NLGN1: variants seen among roughly 807,000 people sequenced by gnomAD.
NLGN1 encodes neuroligin 1.
In NLGN1, 12 loss-of-function variants were observed where a neutral mutation model predicts 65.5. That is an observed-to-expected ratio of 0.18 (90% CI 0.12 to 0.30). The LOEUF is 0.30. NLGN1 is among the 10% of genes least tolerant of loss of function. NLGN1 has a pLI of 1.00. For missense variants in NLGN1, 750 were observed against 1,007.1 expected, an observed-to-expected ratio of 0.74 and a Z score of 3.46; for synonymous variants, 350 against 359.5, an observed-to-expected ratio of 0.97 and a Z score of 0.30.
chr3:174,205,904 T>G (rs17184062), intron 4 of NLGN1, among the ~76,000 whole-genome samples: 1 of 152,058 alleles, frequency 6.6e-6, no homozygotes, highest in Non-Finnish European at 1.5e-5. Context: ...AATAACTACA[T>G]GTAAAGTGCT....
At chr3:173,854,948 T>C (rs1414121526) in intron 4 of NLGN1, among the ~76,000 whole-genome samples, 1 of 152,142 alleles carries the variant, frequency 6.6e-6, no homozygotes, top group Non-Finnish European at 1.5e-5. Context: ...CAAAAACTAG[T>C]AAATGTTTTG....
chr3:174,214,051 G>GACTT (rs1183038207), intron 4 of NLGN1, among the ~76,000 whole-genome samples: 1 of 151,950 alleles, frequency 6.6e-6, no homozygotes, highest in African/African-American at 2.4e-5. Context: ...AAAGAATTTT[G>GACTT]ACTTACCGTA....
intron 4 of NLGN1, among the ~76,000 whole-genome samples, chr3:174,053,881 C>T (rs1735464459): frequency 6.6e-6 from 1 of 151,842 alleles, no homozygotes; most frequent in South Asian, 2.1e-4. Flanking sequence ...TGAATATATT[C>T]CCTATATTGA....
chr3:173,476,394 C>T (rs995675242), intron 2 of NLGN1, among the ~76,000 whole-genome samples: 3 of 152,144 alleles, frequency 2.0e-5, no homozygotes, highest in African/African-American at 7.2e-5. Context: ...GGCAAGATAA[C>T]TACATACATA....
chr3:174,082,965 G>A (rs1220052726), intron 4 of NLGN1, among the ~76,000 whole-genome samples: 1 of 152,142 alleles, frequency 6.6e-6, no homozygotes, highest in Non-Finnish European at 1.5e-5. Flanking sequence ...GACCTCAGGT[G>A]ATCCGCCCAT....
chr3:174,051,967 A>G (rs1201879329), intron 4 of NLGN1, among the ~76,000 whole-genome samples: 1 of 146,102 alleles, frequency 6.8e-6, no homozygotes. Context: ...TCTTTCTAGT[A>G]CCAATAAAGA....
At chr3:174,065,856 T>A (rs369654284) in intron 4 of NLGN1, among the ~76,000 whole-genome samples, 6 of 152,210 alleles carry the variant, frequency 3.9e-5, no homozygotes, top group African/African-American at 1.4e-4. Context: ...CTAAAGGCAG[T>A]CTCTGACCAA....
At position 173,837,945 on chromosome 3, in the gene NLGN1, G is replaced by A. The variant is rs1487026565; in HGVS notation, c.646+30113G>A. On this transcript the variant is annotated intron_variant, in intron 4 of 6. Transcript: ENST00000457714. ...AATTTTTTTGTAGCTTCAAAAATTG[G>A]TATATAAACTTGTATGTTTGAAGTT... Among the ~76,000 whole-genome samples the A allele has an allele frequency of 2.0e-5, 3 of 152,226 alleles. No homozygotes were observed. The East Asian group carries it at 5.8e-4, about 29-fold the overall frequency.
chr3:173,987,682 G>A (rs1377395209), intron 4 of NLGN1, among the ~76,000 whole-genome samples: 2 of 152,012 alleles, frequency 1.3e-5, no homozygotes, highest in African/African-American at 2.4e-5. Flanking sequence ...AAAGTCACTC[G>A]GTACCCTTCT....
chr3:174,158,013 G>A (rs558391161), intron 4 of NLGN1, among the ~76,000 whole-genome samples: 1 of 151,842 alleles, frequency 6.6e-6, no homozygotes, highest in East Asian at 1.9e-4. Context: ...CAGCCCACTA[G>A]TCCCTTCTAT....
intron 3 of NLGN1, among the ~76,000 whole-genome samples, chr3:173,754,910 A>G (rs190675982): frequency 7.2e-5 from 11 of 152,230 alleles, no homozygotes; most frequent in Admixed American, 2.0e-4. Context: ...CAATTCCAGT[A>G]TTTGTCACCT....
At chr3:173,686,371 G>A in intron 3 of NLGN1, among the ~76,000 whole-genome samples, 1 of 151,400 alleles carries the variant, frequency 6.6e-6, no homozygotes, top group African/African-American at 2.4e-5. Flanking sequence ...TTTTCAAAAG[G>A]GGGTTTTAAC....
intron 4 of NLGN1, among the ~76,000 whole-genome samples, chr3:173,948,943 G>T (rs952044600): frequency 2.0e-5 from 3 of 151,856 alleles, no homozygotes; most frequent in African/African-American, 7.2e-5. Flanking sequence ...ACATGCAGAA[G>T]ATAAAATTTA....
downstream of NLGN1, among the ~76,000 whole-genome samples, chr3:174,288,466 G>T (rs548419243): frequency 3.3e-5 from 5 of 151,376 alleles, no homozygotes; most frequent in African/African-American, 1.2e-4. Context: ...GGACTATTTG[G>T]GATGTCTTCT....
chr3:173,800,771 G>A (rs977662610), intron 3 of NLGN1, among the ~76,000 whole-genome samples: 3 of 151,068 alleles, frequency 2.0e-5, no homozygotes, highest in Non-Finnish European at 3.0e-5. Flanking sequence ...TTTTACATTC[G>A]ACATTTGTTT....
intron 3 of NLGN1, among the ~76,000 whole-genome samples, chr3:173,699,797 G>A (rs141518579): frequency 7.7e-4 from 118 of 152,290 alleles, no homozygotes; most frequent in African/African-American, 2.8e-3. Flanking sequence ...CTGGTGAATA[G>A]ACACACTGTA....
At chr3:174,001,306 A>C (rs2152427214) in intron 4 of NLGN1, among the ~76,000 whole-genome samples, 1 of 152,194 alleles carries the variant, frequency 6.6e-6, no homozygotes, top group East Asian at 1.9e-4. Context: ...ATGACAACTC[A>C]GTACTAGAGT....
chr3:174,005,457 A>T (rs1392133280), intron 4 of NLGN1, among the ~76,000 whole-genome samples: 2 of 152,182 alleles, frequency 1.3e-5, no homozygotes, highest in Non-Finnish European at 1.5e-5. Context: ...TACCAATGAA[A>T]TGTAATATAT....
At chr3:174,197,751 C>CGTGT (rs71162378) in intron 4 of NLGN1, among the ~76,000 whole-genome samples, 4,382 of 141,694 alleles carry the variant, frequency 0.031, 196 homozygotes, top group African/African-American at 0.1. Context: ...CCCATTATCT[C>CGTGT]GTGTGTGTGT....
Sources: allele counts gnomAD v4.1 joint callset (sites outside exome capture counted in the v4.1 genomes callset), GRCh38; gene constraint gnomAD v4.1.1; transcripts MANE v1.5; gene names NCBI Gene and HGNC (gene_info 2026-07-23, HGNC 2026-07-21).